Variants in HDAC9 observed in about 807,000 individuals in gnomAD.
The protein encoded by HDAC9 is MEF-2 interacting transcription repressor (MITR) protein.
HDAC9 carries 41 observed loss-of-function variants against 139.4 expected under a neutral mutation model. That is an observed-to-expected ratio of 0.29 (90% CI 0.23 to 0.38). The LOEUF is 0.38. HDAC9 is among the 10% of genes least tolerant of loss of function. The pLI, the probability that HDAC9 is intolerant of heterozygous loss-of-function variation, is 1.00. For synonymous variants in HDAC9, 517 were observed against 476.2 expected, an observed-to-expected ratio of 1.09 and a Z score of -1.12; for missense variants, 1,147 against 1,297.0, an observed-to-expected ratio of 0.88 and a Z score of 1.78.
chr7:18,861,256 A>G (rs769177583), intron 21 of HDAC9, among the ~76,000 whole-genome samples: 30 of 152,180 alleles, frequency 2.0e-4, no homozygotes, highest in Non-Finnish European at 2.8e-4. Context: ...TACAATTTTA[A>G]TATTAACTCT....
chr7:18,796,795 C>T (rs912242349), intron 17 of HDAC9, among the ~76,000 whole-genome samples: 1 of 152,096 alleles, frequency 6.6e-6, no homozygotes, highest in East Asian at 1.9e-4. Flanking sequence ...AAAAGGTGAA[C>T]ATTTTGTAAT....
At chr7:18,939,529 A>G (rs1228324092) in intron 23 of HDAC9, among the ~76,000 whole-genome samples, 2 of 152,236 alleles carry the variant, frequency 1.3e-5, no homozygotes, top group African/African-American at 4.8e-5. Flanking sequence ...AATATAATTT[A>G]TAATCCAAGG....
At chr7:18,285,920 A>C (rs1480370122), upstream of HDAC9, among the ~76,000 whole-genome samples, 1 of 152,070 alleles carries the variant, frequency 6.6e-6, no homozygotes, top group East Asian at 1.9e-4. Flanking sequence ...TCTCAGAAAA[A>C]CATACTGCAT....
At chr7:18,839,439 A>G (rs900751277) in intron 21 of HDAC9, among the ~76,000 whole-genome samples, 5 of 152,066 alleles carry the variant, frequency 3.3e-5, no homozygotes, top group African/African-American at 1.2e-4. Flanking sequence ...TAAGACCTTC[A>G]TGCCCGCATA....
chr7:18,786,685 C>T (rs1388279754), intron 16 of HDAC9, among the ~76,000 whole-genome samples: 1 of 126,972 alleles, frequency 7.9e-6, no homozygotes, highest in Non-Finnish European at 1.6e-5. Flanking sequence ...TTCCTTTTTG[C>T]TCACATATCC....
intron 2 of HDAC9, among the ~76,000 whole-genome samples, chr7:18,241,706 G>T (rs1249473872): frequency 6.6e-6 from 1 of 152,190 alleles, no homozygotes; most frequent in East Asian, 1.9e-4. Context: ...CCAAGTTTCA[G>T]TGTTTCCTGA....
At chr7:18,990,766 G>A (rs561204918) in intron 25 of HDAC9, among the ~76,000 whole-genome samples, 1 of 152,358 alleles carries the variant, frequency 6.6e-6, no homozygotes, top group East Asian at 1.9e-4. Context: ...CGTTTTTTAA[G>A]CCCGTAGGAA....
At chr7:18,292,024 A>T (rs1797841624) in intron 1 of HDAC9, among the ~76,000 whole-genome samples, 1 of 152,114 alleles carries the variant, frequency 6.6e-6, no homozygotes, top group African/African-American at 2.4e-5. Context: ...CAAGTTGCTC[A>T]GATACTTTTT....
intron 21 of HDAC9, among the ~76,000 whole-genome samples, chr7:18,844,770 G>C (rs1290566510): frequency 3.9e-5 from 6 of 152,154 alleles, no homozygotes; most frequent in African/African-American, 9.6e-5. Flanking sequence ...TACCCAAAGA[G>C]ATCTGGGTTT....
chr7:18,174,524 A>G (rs1422835488), intron 2 of HDAC9, among the ~76,000 whole-genome samples: 1 of 152,236 alleles, frequency 6.6e-6, no homozygotes, highest in Non-Finnish European at 1.5e-5. Flanking sequence ...TTGGAGGAGA[A>G]GAGGTGCTCT....
chr7:18,259,786 C>T (rs776614338), intron 2 of HDAC9, among the ~76,000 whole-genome samples: 16 of 152,068 alleles, frequency 1.1e-4, no homozygotes, highest in Non-Finnish European at 1.9e-4. Context: ...GATCACCTTT[C>T]GAGCCCACTT....
chr7:18,151,768 C>G (rs1269966675), intron 1 of HDAC9: 1 of 152,038 alleles, frequency 6.6e-6, no homozygotes, highest in Non-Finnish European at 1.5e-5. Flanking sequence ...ATGTTACTAG[C>G]ATAAAACTTG....
chr7:18,975,354 T>C lies in HDAC9; in HGVS notation c.3023-452T>C, dbSNP rs559610270. Among the ~76,000 whole-genome samples the C allele has an allele frequency of 4.6e-5, 7 of 152,362 alleles. No individual in the cohort carries two copies. The South Asian group carries it at 8.3e-4, about 18-fold the overall frequency. ...AATTCATGCTGGCATTTCTGGGCTT[T>C]TCTTTTTCTTTAATATTCCAACTTC... On this transcript the variant is annotated intron_variant, in intron 24 of 25. Coordinates refer to ENST00000686413, the MANE Select transcript of HDAC9 (RefSeq NM_178425.4).
chr7:18,928,174 A>G (rs1363122638), intron 22 of HDAC9, among the ~76,000 whole-genome samples: 3 of 152,182 alleles, frequency 2.0e-5, no homozygotes, highest in African/African-American at 7.2e-5. Context: ...TCCCTGTTCA[A>G]CCTACTACAG....
intron 1 of HDAC9, among the ~76,000 whole-genome samples, chr7:18,460,694 A>T (rs1397513801): frequency 6.6e-6 from 1 of 151,002 alleles, no homozygotes; most frequent in African/African-American, 2.4e-5. Context: ...AGGCTGAGGC[A>T]GGAGAATCCC....
At chr7:18,262,839 T>G (rs1795766633) in intron 2 of HDAC9, among the ~76,000 whole-genome samples, 1 of 152,056 alleles carries the variant, frequency 6.6e-6, no homozygotes, top group African/African-American at 2.4e-5. Flanking sequence ...CACCAGGGAT[T>G]AAGAAAACAA....
At chr7:18,287,884 C>A (rs1190705956), upstream of HDAC9, among the ~76,000 whole-genome samples, 1 of 152,182 alleles carries the variant, frequency 6.6e-6, no homozygotes, top group Non-Finnish European at 1.5e-5. Flanking sequence ...GAGGACTGGA[C>A]CCGGAAGTTG....
intron 6 of HDAC9, among the ~76,000 whole-genome samples, chr7:18,614,815 C>G (rs772810446): frequency 2.0e-5 from 3 of 152,170 alleles, no homozygotes; most frequent in Non-Finnish European, 4.4e-5. Context: ...AAAATCTGTT[C>G]AAACCATAAT....
At chr7:18,188,869 A>G (rs1790115765) in intron 2 of HDAC9, among the ~76,000 whole-genome samples, 1 of 152,188 alleles carries the variant, frequency 6.6e-6, no homozygotes, top group Non-Finnish European at 1.5e-5. Context: ...CTTTGGAGAA[A>G]TAGGAATGCT....
Sources: allele counts gnomAD v4.1 joint callset (sites outside exome capture counted in the v4.1 genomes callset), GRCh38; gene constraint gnomAD v4.1.1; transcripts MANE v1.5; gene names NCBI Gene and HGNC (gene_info 2026-07-23, HGNC 2026-07-21).